The following COPE variants were observed in gnomAD, a reference collection of about 807,000 sequenced individuals.
COPE encodes coat protein complex I subunit epsilon.
COPE carries 19 observed loss-of-function variants against 42.1 expected under a neutral mutation model. That is an observed-to-expected ratio of 0.45 (90% CI 0.31 to 0.66). COPE has a LOEUF of 0.66. COPE is among the 30% of genes least tolerant of loss of function. The pLI is 0.05. For synonymous variants in COPE, 195 were observed against 181.3 expected (o/e 1.08, Z -0.60); for missense variants, 402 against 416.1 (o/e 0.97, Z 0.30).
rs911318774 is a variant in COPE at position 18,902,936 on chromosome 19, G to A, written c.735+332C>T. 4.6e-5 allele frequency among the ~76,000 whole-genome samples: 7 copies of A among 151,750 alleles called. No homozygotes were observed. The East Asian group carries it at 5.8e-4, about 13-fold the overall frequency. ...AGCACACTCTCCCCTACATAAGTAC[G>A]GGGAGTGTCTCTCCAATACTGAGTA... On this transcript the variant is annotated intron_variant, in intron 7 of 9. Transcript: ENST00000262812.
chr19:18,917,478 C>T (rs1478420574), intron 1 of COPE, among the ~76,000 whole-genome samples: 1 of 151,972 alleles, frequency 6.6e-6, no homozygotes, highest in East Asian at 1.9e-4. Context: ...AAACGATTCT[C>T]CTGCCTCTGC....
Position 18,899,586 on chromosome 19 carries a change from AG to A in COPE, c.*92del. ...GCTGGGGGTGGGCTCCTGCCCCCAGAGGGGATGCAGGTGGATGCCGGGTGGG... is the reference window on the plus strand; with the variant it reads ...GCTGGGGGTGGGCTCCTGCCCCCAGAGGGATGCAGGTGGATGCCGGGTGGG... On this transcript the variant is annotated 3_prime_UTR_variant, in exon 10 of 10. Transcript: ENST00000262812. 3 of 1,358,664 alleles carry A rather than the reference AG, an allele frequency of 2.2e-6. No individual in the cohort carries two copies. The South Asian group carries it at 3.6e-5, about 16-fold the overall frequency. 84.2% of individuals were successfully genotyped at this position (1,358,664 alleles called of 1,614,324 possible).
At chr19:18,907,634 A>C (rs2056773146) in intron 3 of COPE, among the ~76,000 whole-genome samples, 1 of 152,178 alleles carries the variant, frequency 6.6e-6, no homozygotes, top group Non-Finnish European at 1.5e-5. Flanking sequence ...GCCAGGCTTG[A>C]GCCCAGGCAA....
At position 18,919,367 on chromosome 19, in the gene COPE, G is replaced by C; in HGVS notation, c.-19C>G. ...GCGCCATTTCGCTGTCTTCTCACCA[G>C]CTCCTCTTCCTGAAAGACACGTCAG... On this transcript the variant is annotated 5_prime_UTR_variant, in exon 1 of 10. Transcript: ENST00000262812. 1 of 1,610,734 alleles carries C rather than the reference G, an allele frequency of 6.2e-7. No individual in the cohort carries two copies. The highest frequency in any genetic ancestry group is 8.5e-7 in the Non-Finnish European group (1 of 1,178,736).
At chr19:18,912,771 ACCCAGG>A (rs2056822146) in intron 2 of COPE, among the ~76,000 whole-genome samples, 1 of 149,432 alleles carries the variant, frequency 6.7e-6, no homozygotes. Flanking sequence ...AGAAGCTGTG[ACCCAGG>A]CCCCCTGGCC....
At chr19:18,911,682 G>A (rs935939938) in intron 2 of COPE, among the ~76,000 whole-genome samples, 15 of 151,812 alleles carry the variant, frequency 9.9e-5, no homozygotes, top group Non-Finnish European at 2.1e-4. Flanking sequence ...CTCCCGAGTA[G>A]CTGAGACTAC....
chr19:18,918,976 C>T (rs1194574041), intron 1 of COPE, among the ~76,000 whole-genome samples: 1 of 152,366 alleles, frequency 6.6e-6, no homozygotes, highest in East Asian at 1.9e-4. Context: ...GGCATAAACA[C>T]CTCCCTTACT....
In COPE at chr19:18,910,834, G is replaced by A. The variant is rs899651829; in HGVS notation, c.290+137C>T. 1.0e-5 allele frequency: 7 copies of A among 697,720 alleles called. No individual in the cohort carries two copies. The African/African-American group carries it at 1.2e-4, about 12-fold the overall frequency. The allele number at this position is 697,720 out of a possible 1,614,324, so 43.2% of individuals were successfully genotyped here. A position where few individuals can be genotyped will look rare whatever the true frequency, so the allele number is the denominator to read the frequency against. On this transcript the variant is annotated intron_variant, in intron 3 of 9. Coordinates refer to ENST00000262812, the MANE Select transcript of COPE (RefSeq NM_007263.4). ...AGGGAAACTGAGGCACAAAGCAGCA[G>A]GGGAGCAGAGGGGAGAGGCGCCTAA...
chr19:18,903,711 G>A (rs1286368066), intron 6 of COPE, among the ~76,000 whole-genome samples: 2 of 152,222 alleles, frequency 1.3e-5, no homozygotes, highest in Non-Finnish European at 2.9e-5. Flanking sequence ...CAGGTGGCTG[G>A]CTCAGGGTCT....
chr19:18,918,856 C>T (rs2056883604), intron 1 of COPE, among the ~76,000 whole-genome samples: 1 of 152,128 alleles, frequency 6.6e-6, no homozygotes, highest in Non-Finnish European at 1.5e-5. Context: ...AGGGAAACGT[C>T]CTTCTCTGAA....
chr19:18,899,755 TG>T, intron 9 of COPE, 29 bp from the exon 10 acceptor site: 3 of 1,612,684 alleles, frequency 1.9e-6, no homozygotes, highest in Non-Finnish European at 2.5e-6. Context: ...CAACACAGGG[TG>T]GGGGCAGGGT....
chr19:18,907,239 C>A (rs1369921042), intron 3 of COPE, 127 bp from the exon 4 acceptor site: 10 of 990,464 alleles, frequency 1.0e-5, no homozygotes, highest in Non-Finnish European at 1.4e-5. Flanking sequence ...AGAGCAGCAG[C>A]AGGCCGAGCA....
chr19:18,902,526 G>A (rs1336712734), intron 7 of COPE, among the ~76,000 whole-genome samples: 3 of 148,764 alleles, frequency 2.0e-5, no homozygotes, highest in East Asian at 2.0e-4. Context: ...TTAGCCAGGC[G>A]TGGTGGCAGC....
intron 4 of COPE, chr19:18,905,978 C>T (rs1477099823): frequency 4.4e-6 from 2 of 453,902 alleles, no homozygotes; most frequent in Admixed American, 8.6e-5. Flanking sequence ...AGAGGAGGGC[C>T]ACGCACCCGC....
intron 4 of COPE, 86 bp from the exon 5 acceptor site, chr19:18,905,715 C>G: frequency 7.2e-7 from 1 of 1,386,702 alleles, no homozygotes; most frequent in Non-Finnish European, 9.9e-7. Context: ...CTGTGTGTGT[C>G]TGGGATGTTC....
Position 18,910,988 on chromosome 19 carries a change from G to A in COPE, c.273C>T (p.Leu91=), listed in dbSNP as rs145488977. ...GGCCTCACCTCCGACTCTCGTGGGC[G>A]AGGTAGTCAGCAAACATGCGCACGG... ...LQAVRMFADY[L]AHESRRDSIV... is the part of the protein sequence containing the mutation. The change falls in exon 3 of 10, where the codon CTC becomes CTT. Residue 91 remains leucine, a synonymous_variant. Coordinates refer to ENST00000262812, the MANE Select transcript of COPE (RefSeq NM_007263.4). 40 of 1,613,840 alleles carry A rather than the reference G, an allele frequency of 2.5e-5. No homozygotes were observed. The highest frequency in any genetic ancestry group is 5.5e-5 in the South Asian group (5 of 91,096).
In COPE at chr19:18,899,744, G is replaced by A; in HGVS notation, c.880-18C>T. 1 of 1,613,680 alleles carries A rather than the reference G, an allele frequency of 6.2e-7. No homozygotes were observed. Among genetic ancestry groups the A allele is most frequent in the Non-Finnish European group, 8.5e-7 (1 of 1,179,940 alleles). ...TCGTTCTCCTTTAGCAAGACACATG[G>A]CAACACAGGGTGGGGGCAGGGTGTG... On this transcript the variant is annotated intron_variant, in intron 9 of 9. Coordinates refer to ENST00000262812, the MANE Select transcript of COPE (RefSeq NM_007263.4).
intron 5 of COPE, 87 bp from the exon 6 acceptor site, chr19:18,904,939 G>A (rs551330785): frequency 4.6e-5 from 60 of 1,316,858 alleles, no homozygotes; most frequent in East Asian, 4.0e-4. Context: ...GGGGCCCACC[G>A]GAGCCTGGGG....
At chr19:18,910,609 T>G (rs1302999320) in intron 3 of COPE, 1 of 228,494 alleles carries the variant, frequency 4.4e-6, no homozygotes, top group Non-Finnish European at 8.9e-6. Context: ...AGAAAACTGA[T>G]GGGAGGGCCC....
Sources: gnomAD v4.1 joint callset for allele counts (sites outside exome capture counted in the v4.1 genomes callset) on GRCh38, gnomAD v4.1.1 for gene constraint, MANE v1.5 for transcripts, NCBI Gene and HGNC (gene_info 2026-07-23, HGNC 2026-07-21) for gene names.